Variants in TRIM9 observed in about 807,000 individuals in gnomAD.
The protein encoded by TRIM9 is tripartite motif containing 9, also known as E3 ubiquitin-protein ligase TRIM9.
Under a neutral mutation model 78.3 loss-of-function variants are expected in TRIM9, and 26 were observed. The ratio of observed to expected loss-of-function variants is 0.33; its 90% CI spans 0.24 to 0.46. The LOEUF (loss-of-function observed/expected upper bound fraction) is 0.46, where lower values mean the gene tolerates loss of function less well. TRIM9 is among the 20% of genes least tolerant of loss of function. The pLI is 1.00. For synonymous variants in TRIM9, 398 were observed against 416.5 expected, an observed-to-expected ratio of 0.96 and a Z score of 0.54; for missense variants, 787 against 1,036.4, an observed-to-expected ratio of 0.76 and a Z score of 3.30.
intron 1 of TRIM9, among the ~76,000 whole-genome samples, chr14:51,052,300 T>C (rs2060496720): frequency 6.6e-6 from 1 of 152,120 alleles, no homozygotes; most frequent in Admixed American, 6.5e-5. Flanking sequence ...GGGGACGCCT[T>C]AAAAATAACA....
intron 1 of TRIM9, among the ~76,000 whole-genome samples, chr14:51,085,164 G>T: frequency 6.6e-6 from 1 of 152,158 alleles, no homozygotes; most frequent in East Asian, 1.9e-4. Flanking sequence ...AGTGCAGGCT[G>T]CAAGCAAAGT....
intron 1 of TRIM9, among the ~76,000 whole-genome samples, chr14:51,043,329 C>T (rs933202954): frequency 7.9e-5 from 12 of 152,126 alleles, no homozygotes; most frequent in Non-Finnish European, 8.8e-5. Flanking sequence ...GACATGCAGC[C>T]GGAGGAAGGA....
chr14:51,050,011 A>G (rs1209056259), intron 1 of TRIM9, among the ~76,000 whole-genome samples: 4 of 152,126 alleles, frequency 2.6e-5, no homozygotes, highest in Non-Finnish European at 5.9e-5. Context: ...ATTTGTAGGC[A>G]AGAAATTTTG....
At chr14:50,980,187 T>C (rs1318752019) in intron 11 of TRIM9, among the ~76,000 whole-genome samples, 1 of 152,196 alleles carries the variant, frequency 6.6e-6, no homozygotes, top group East Asian at 1.9e-4. Flanking sequence ...AGGCTGTCTG[T>C]GAAATGACAG....
At position 51,071,324 on chromosome 14, in the gene TRIM9, C is replaced by T. The variant is rs145550600; in HGVS notation, c.822+22794G>A. Among the ~76,000 whole-genome samples the T allele has an allele frequency of 1.7e-3, 242 of 146,084 alleles. 10 individuals carry two copies. In the East Asian group the frequency reaches 0.041, roughly 25 times the overall value. On this transcript the variant is annotated intron_variant, in intron 1 of 12. Coordinates refer to ENST00000684578, the MANE Select transcript of TRIM9 (RefSeq NM_001387360.1). ...CCGGGAGGTGGAGGTTGTGCTGAGC[C>T]GAGACTGCGCCATTGTATTCCAGCC...
At chr14:50,989,596 A>T (rs2053211922) in intron 7 of TRIM9, among the ~76,000 whole-genome samples, 1 of 152,212 alleles carries the variant, frequency 6.6e-6, no homozygotes, top group African/African-American at 2.4e-5. Flanking sequence ...GAGACGTTTA[A>T]CATCACATCA....
At chr14:51,008,455 T>C (rs2056129089) in intron 5 of TRIM9, among the ~76,000 whole-genome samples, 1 of 152,274 alleles carries the variant, frequency 6.6e-6, no homozygotes, top group Non-Finnish European at 1.5e-5. Context: ...AAAAATGTTG[T>C]TGCATGGTTG....
chr14:51,072,053 T>C (rs1212784365), intron 1 of TRIM9, among the ~76,000 whole-genome samples: 1 of 152,118 alleles, frequency 6.6e-6, no homozygotes, highest in East Asian at 1.9e-4. Context: ...CTTCCCGGTG[T>C]TCTCTGGGCT....
Position 51,025,355 on chromosome 14 carries a change from C to G in TRIM9, c.828G>C (p.Gln276His), listed in dbSNP as rs778217627. 4.3e-6 allele frequency: 7 copies of G among 1,614,034 alleles called. No individual in the cohort carries two copies. In the Admixed American group the frequency reaches 1.0e-4, roughly 23 times the overall value. The change falls in exon 2 of 13, where the codon CAG becomes CAC. Residue 276 changes from glutamine to histidine, a missense_variant. Gln to His is a conservative substitution (Grantham distance 24). Transcript: ENST00000684578. ...LGAMWKLHKS[Q>H]LSQALNGLSD... is the part of the protein sequence containing the mutation. ...ACAGTCCGTTCAGCGCCTGGGAGAG[C>G]TGGCTCTGCAAAGACAAAGAAGGAA...
chr14:51,054,724 C>A (rs980919839), intron 1 of TRIM9, among the ~76,000 whole-genome samples: 2 of 152,140 alleles, frequency 1.3e-5, no homozygotes, highest in Admixed American at 6.5e-5. Context: ...CAGGCGCATG[C>A]CACTACGCCT....
At chr14:50,982,998 G>A (rs2052172991) in intron 9 of TRIM9, 33 bp from the exon 10 acceptor site, 1 of 1,545,836 alleles carries the variant, frequency 6.5e-7, no homozygotes, top group Admixed American at 2.0e-5. Flanking sequence ...GCATGGGGGA[G>A]AGAGATAGGA....
At chr14:51,015,464 TTA>T (rs1048823727) in intron 3 of TRIM9, among the ~76,000 whole-genome samples, 1 of 151,788 alleles carries the variant, frequency 6.6e-6, no homozygotes, top group African/African-American at 2.4e-5. Flanking sequence ...AAATTTTTCT[TTA>T]TCTTTTTTAA....
intron 3 of TRIM9, among the ~76,000 whole-genome samples, chr14:51,019,322 G>T (rs188320815): frequency 3.9e-5 from 6 of 152,162 alleles, no homozygotes; most frequent in Non-Finnish European, 8.8e-5. Context: ...TCTGACATTC[G>T]CATTAGTTCA....
At chr14:51,085,641 G>A (rs145940794) in intron 1 of TRIM9, among the ~76,000 whole-genome samples, 6 of 152,110 alleles carry the variant, frequency 3.9e-5, no homozygotes, top group Admixed American at 3.3e-4. Context: ...CATGTTTTGT[G>A]TTTTCAAAAA....
chr14:51,093,216 G>C (rs2064552964), intron 1 of TRIM9, among the ~76,000 whole-genome samples: 1 of 152,204 alleles, frequency 6.6e-6, no homozygotes, highest in Non-Finnish European at 1.5e-5. Context: ...AAGCCTCTTC[G>C]TGTCTAGCCA....
intron 3 of TRIM9, among the ~76,000 whole-genome samples, chr14:51,017,794 C>T (rs1182231903): frequency 6.6e-6 from 1 of 152,132 alleles, no homozygotes; most frequent in Non-Finnish European, 1.5e-5. Context: ...ATTGGCATTG[C>T]CAAAGTGAGT....
Position 51,025,249 on chromosome 14 carries a change from C to T in TRIM9, c.918+16G>A, listed in dbSNP as rs1202573296. On this transcript the variant is annotated intron_variant, in intron 2 of 12. Transcript: ENST00000684578. The stretch of plus-strand genomic sequence containing the variant: ...TTAACCGGCGGGTTTCCTTGCGTCC[C>T]AGGTAACACCCATACCTGGATCTGC... 2 of 1,612,306 alleles carry T rather than the reference C, an allele frequency of 1.2e-6. No homozygotes were observed. Among genetic ancestry groups the T allele is most frequent in the Non-Finnish European group, 1.7e-6 (2 of 1,178,598 alleles).
chr14:51,087,618 G>A (rs2063888691), intron 1 of TRIM9, among the ~76,000 whole-genome samples: 1 of 152,040 alleles, frequency 6.6e-6, no homozygotes, highest in Non-Finnish European at 1.5e-5. Context: ...GGTACACTGT[G>A]GTGGCCATTT....
At chr14:51,013,888 G>C (rs1021051428) in intron 3 of TRIM9, among the ~76,000 whole-genome samples, 6 of 152,192 alleles carry the variant, frequency 3.9e-5, no homozygotes, top group Non-Finnish European at 5.9e-5. Context: ...ATTCCCCTCT[G>C]CTGTATGAGG....
Sources: gnomAD v4.1 joint callset for allele counts (sites outside exome capture counted in the v4.1 genomes callset) on GRCh38, gnomAD v4.1.1 for gene constraint, MANE v1.5 for transcripts, NCBI Gene and HGNC (gene_info 2026-07-23, HGNC 2026-07-21) for gene names.